GPC5: variants seen among roughly 807,000 people sequenced by gnomAD.
GPC5 encodes glypican 5.
GPC5 carries 47 observed loss-of-function variants against 53.9 expected under a neutral mutation model. The observed-to-expected ratio is 0.87, with a 90% CI of 0.69 to 1.11. GPC5 has a LOEUF of 1.11. Ranked by LOEUF, GPC5 falls within the 50% of genes most tolerant of loss-of-function variation. GPC5 has a pLI of 0.00. For missense variants in GPC5, 748 were observed against 713.1 expected, an observed-to-expected ratio of 1.05 and a Z score of -0.56; for synonymous variants, 286 against 263.3, an observed-to-expected ratio of 1.09 and a Z score of -0.84.
intron 5 of GPC5, among the ~76,000 whole-genome samples, chr13:91,786,534 G>A (rs1007463089): frequency 6.6e-6 from 1 of 151,782 alleles, no homozygotes; most frequent in African/African-American, 2.4e-5. Context: ...ATTAAGTTAC[G>A]TGTTTAAAAA....
At chr13:92,534,274 T>C (rs1881655130) in intron 7 of GPC5, among the ~76,000 whole-genome samples, 1 of 152,134 alleles carries the variant, frequency 6.6e-6, no homozygotes, top group South Asian at 2.1e-4. Context: ...AGTGCAACTC[T>C]GTCTCCAATA....
chr13:91,766,093 T>C (rs887205619), intron 5 of GPC5, among the ~76,000 whole-genome samples: 3 of 152,208 alleles, frequency 2.0e-5, no homozygotes, highest in African/African-American at 4.8e-5. Context: ...ATGGACAAAA[T>C]AGACATAAGT....
At chr13:91,880,016 CT>C (rs1343066869) in intron 5 of GPC5, among the ~76,000 whole-genome samples, 7 of 151,992 alleles carry the variant, frequency 4.6e-5, no homozygotes, top group African/African-American at 1.7e-4. Flanking sequence ...AAGGAAGCCC[CT>C]TCTTATAACT....
At chr13:92,622,689 T>C (rs1290449032) in intron 7 of GPC5, among the ~76,000 whole-genome samples, 2 of 152,128 alleles carry the variant, frequency 1.3e-5, no homozygotes, top group African/African-American at 4.8e-5. Flanking sequence ...CTTAGTCTTC[T>C]GAGTAGCTGG....
At chr13:91,967,320 G>T (rs1460160553) in intron 6 of GPC5, among the ~76,000 whole-genome samples, 4 of 152,206 alleles carry the variant, frequency 2.6e-5, no homozygotes, top group Admixed American at 2.6e-4. Context: ...TTCAAGATAA[G>T]ATTTGGGTGG....
chr13:91,550,951 A>T (rs757087084), intron 2 of GPC5, among the ~76,000 whole-genome samples: 1 of 152,154 alleles, frequency 6.6e-6, no homozygotes, highest in Non-Finnish European at 1.5e-5. Flanking sequence ...CTTCCCAGCC[A>T]TGTGGAATTG....
At chr13:91,426,833 A>T (rs1455303969) in intron 1 of GPC5, among the ~76,000 whole-genome samples, 1 of 152,158 alleles carries the variant, frequency 6.6e-6, no homozygotes, top group Non-Finnish European at 1.5e-5. Flanking sequence ...CTCCTTTGGC[A>T]GTACCCACAC....
At chr13:92,120,004 G>T (rs1446154475) in intron 6 of GPC5, among the ~76,000 whole-genome samples, 1 of 152,120 alleles carries the variant, frequency 6.6e-6, no homozygotes, top group Non-Finnish European at 1.5e-5. Flanking sequence ...ACAGGTTGTA[G>T]ATCTGCATAT....
chr13:91,754,044 A>G (rs1594524284), intron 4 of GPC5, among the ~76,000 whole-genome samples: 1 of 152,178 alleles, frequency 6.6e-6, no homozygotes, highest in African/African-American at 2.4e-5. Flanking sequence ...ATGACTGGAA[A>G]TCTTCTAGGT....
intron 7 of GPC5, among the ~76,000 whole-genome samples, chr13:92,173,291 G>T (rs955899253): frequency 6.6e-6 from 1 of 152,064 alleles, no homozygotes; most frequent in Non-Finnish European, 1.5e-5. Flanking sequence ...CATTTAGCCT[G>T]ATGCTTTTCC....
At chr13:92,505,877 T>G (rs1880347875) in intron 7 of GPC5, among the ~76,000 whole-genome samples, 1 of 152,106 alleles carries the variant, frequency 6.6e-6, no homozygotes. Flanking sequence ...ACAGCCTCCA[T>G]GTTTCCATGT....
intron 6 of GPC5, among the ~76,000 whole-genome samples, chr13:92,015,507 A>G (rs1237146975): frequency 6.6e-6 from 1 of 151,730 alleles, no homozygotes; most frequent in Non-Finnish European, 1.5e-5. Flanking sequence ...TGAAAAGCAA[A>G]TGGGCATATT....
At chr13:92,653,782 G>A (rs1886036246) in intron 7 of GPC5, among the ~76,000 whole-genome samples, 1 of 152,170 alleles carries the variant, frequency 6.6e-6, no homozygotes, top group South Asian at 2.1e-4. Context: ...AGCAGGGAAG[G>A]ATCCTGAGAA....
intron 2 of GPC5, among the ~76,000 whole-genome samples, chr13:91,582,644 C>T (rs1262395390): frequency 6.6e-6 from 1 of 151,978 alleles, no homozygotes; most frequent in Admixed American, 6.6e-5. Context: ...ATGTAATTTC[C>T]CACTTTGAAA....
chr13:91,861,405 GC>G (rs35351026), intron 5 of GPC5, among the ~76,000 whole-genome samples: 1 of 151,904 alleles, frequency 6.6e-6, no homozygotes, highest in Non-Finnish European at 1.5e-5. Flanking sequence ...TTAAGTCAGT[GC>G]CCCCTTTGGC....
intron 7 of GPC5, among the ~76,000 whole-genome samples, chr13:92,796,429 G>A (rs1320347540): frequency 6.6e-6 from 1 of 152,008 alleles, no homozygotes; most frequent in African/African-American, 2.4e-5. Context: ...GTTTATGGGT[G>A]CAGCAAACCA....
At chr13:91,399,629 G>A (rs1330542437) in intron 1 of GPC5, among the ~76,000 whole-genome samples, 2 of 152,194 alleles carry the variant, frequency 1.3e-5, no homozygotes, top group Non-Finnish European at 2.9e-5. Flanking sequence ...ATCGCCCCAA[G>A]TTTGGTACTA....
At chr13:92,167,302 T>C (rs190527042) in intron 7 of GPC5, among the ~76,000 whole-genome samples, 3 of 152,260 alleles carry the variant, frequency 2.0e-5, no homozygotes, top group Admixed American at 2.0e-4. Flanking sequence ...TTTCAGGGCA[T>C]TGATGTATAG....
chr13:92,800,944 A>G (rs1876880088), intron 7 of GPC5, among the ~76,000 whole-genome samples: 2 of 151,780 alleles, frequency 1.3e-5, no homozygotes, highest in South Asian at 4.1e-4. Flanking sequence ...GTCAACAGAT[A>G]TTACAAACAA....
Sources: gnomAD v4.1 joint callset for allele counts (sites outside exome capture counted in the v4.1 genomes callset) on GRCh38, gnomAD v4.1.1 for gene constraint, MANE v1.5 for transcripts, NCBI Gene and HGNC (gene_info 2026-07-23, HGNC 2026-07-21) for gene names.